OLFM1: variants seen among roughly 807,000 people sequenced by gnomAD.
The protein encoded by OLFM1 is olfactomedin 1.
Under a neutral mutation model 49.7 loss-of-function variants are expected in OLFM1, and 9 were observed. That is an observed-to-expected ratio of 0.18 (90% confidence interval 0.11 to 0.32). The LOEUF (loss-of-function observed/expected upper bound fraction) is 0.32. Ranked by LOEUF, OLFM1 falls within the 10% of genes least tolerant of loss-of-function variation. OLFM1 has a pLI of 1.00. For synonymous variants in OLFM1, 240 were observed against 271.8 expected (o/e 0.88, Z 1.15); for missense variants, 369 against 661.8 (o/e 0.56, Z 4.85).
At chr9:135,084,008 G>A (rs947858970), upstream of OLFM1, among the ~76,000 whole-genome samples, 2 of 152,230 alleles carry the variant, frequency 1.3e-5, no homozygotes, top group African/African-American at 4.8e-5. This position sits in a 1 kb window ranked among gnomAD's most constrained non-coding sequence, Gnocchi z 4.6. Context: ...CAGGGAAGGG[G>A]GTGAGGAGCA....
chr9:135,096,413 T>TG (rs1830799526), intron 3 of OLFM1, among the ~76,000 whole-genome samples: 1 of 152,048 alleles, frequency 6.6e-6, no homozygotes, highest in South Asian at 2.1e-4. Flanking sequence ...CCTACAGAAA[T>TG]GGTCATTTGG....
intron 5 of OLFM1, among the ~76,000 whole-genome samples, chr9:135,115,720 G>A (rs956912933): frequency 3.1e-4 from 47 of 152,234 alleles, no homozygotes; most frequent in African/African-American, 1.0e-3. Context: ...CCAGATTGGT[G>A]GTTTCAAGCT....
At chr9:135,093,789 C>T (rs1479853153) in intron 2 of OLFM1, among the ~76,000 whole-genome samples, 1 of 152,190 alleles carries the variant, frequency 6.6e-6, no homozygotes, top group African/African-American at 2.4e-5. Flanking sequence ...TGCGTGATTG[C>T]AGTCCTAGAC....
chr9:135,078,016 G>A (rs1042224375), intron 1 of OLFM1, among the ~76,000 whole-genome samples: 1 of 152,240 alleles, frequency 6.6e-6, no homozygotes, highest in Admixed American at 6.5e-5. Context: ...CCTCTAAGAT[G>A]GCATCTGGGG....
chr9:135,075,870 A>T, intron 1 of OLFM1: 2 of 1,496,094 alleles, frequency 1.3e-6, no homozygotes, highest in Admixed American at 4.1e-5. Flanking sequence ...AGCCCCACAA[A>T]GTCCGGGAAC....
intron 2 of OLFM1, among the ~76,000 whole-genome samples, chr9:135,093,917 A>G (rs749914156): frequency 6.6e-6 from 1 of 152,252 alleles, no homozygotes; most frequent in Non-Finnish European, 1.5e-5. Context: ...GCAGCTGAAT[A>G]GCTTGGTATC....
At position 135,079,721 on chromosome 9, in the gene OLFM1, T is replaced by A. The variant is rs143660966; in HGVS notation, c.96+3919T>A. 4.4e-4 allele frequency among the ~76,000 whole-genome samples: 67 copies of A among 152,168 alleles called. No individual in the cohort carries two copies. In the East Asian group the frequency reaches 0.013, roughly 29 times the overall value. On this transcript the variant is annotated intron_variant, in intron 1 of 5. Coordinates refer to the OLFM1 transcript ENST00000252854. ...CTCAATCCACGTGGGTTGAGGGTAT[T>A]TGAAGTGTTTGAAGATGGAAGCGGA...
chr9:135,087,692 G>A lies in OLFM1; in HGVS notation c.-298G>A, dbSNP rs766147871. 1,655 of 425,540 alleles carry A rather than the reference G, an allele frequency of 3.9e-3. 9 individuals are homozygous for A. The highest frequency in any genetic ancestry group is 4.9e-3 in the Non-Finnish European group (1,454 of 297,506). The allele number at this position is 425,540 out of a possible 1,614,324, so 26.4% of individuals were successfully genotyped here. On this transcript the variant is annotated 5_prime_UTR_variant, in exon 1 of 6. Transcript: ENST00000371793. ...CAGAGCCGGACGGCGCTTCCCGGTGGCGGCGGAGGAGCCCGGAGGGACGCA... is the reference window on the plus strand; with the variant it reads ...CAGAGCCGGACGGCGCTTCCCGGTGACGGCGGAGGAGCCCGGAGGGACGCA...
At chr9:135,112,196 C>T (rs1831032622) in intron 5 of OLFM1, among the ~76,000 whole-genome samples, 1 of 147,856 alleles carries the variant, frequency 6.8e-6, no homozygotes, top group Non-Finnish European at 1.5e-5. Flanking sequence ...GAGGGACATG[C>T]ACTGGCCGCT....
intron 1 of OLFM1, among the ~76,000 whole-genome samples, chr9:135,089,581 CTGGAAACCTAG>C (rs1830651715): frequency 6.6e-6 from 1 of 152,228 alleles, no homozygotes; most frequent in Admixed American, 6.5e-5. Flanking sequence ...CCACAAGGAG[CTGGAAACCTAG>C]TGTTTTCTCG....
chr9:135,120,603 G>A lies in OLFM1; in HGVS notation c.*425G>A, dbSNP rs142144432. 247 of 202,986 alleles carry A rather than the reference G, an allele frequency of 1.2e-3. No homozygotes were observed. The highest frequency in any genetic ancestry group is 5.3e-3 in the African/African-American group (225 of 42,532). 12.6% of individuals were successfully genotyped at this position (202,986 alleles called of 1,614,324 possible). A position where few individuals can be genotyped will look rare whatever the true frequency, so the allele number is the denominator to read the frequency against. ...TGAGAGCCATGGGCTGCACCCGGCC[G>A]TAGGCTAGTGTAACTCGCATCCCAT... On this transcript the variant is annotated 3_prime_UTR_variant, in exon 6 of 6. Coordinates refer to ENST00000371793, the MANE Select transcript of OLFM1 (RefSeq NM_001282611.2).
At chr9:135,077,094 G>A (rs1830477578) in intron 1 of OLFM1, 1 of 1,550,504 alleles carries the variant, frequency 6.4e-7, no homozygotes, top group East Asian at 2.4e-5. Flanking sequence ...CCCCAGGAAG[G>A]CCTGGTGGAG....
chr9:135,098,647 C>T lies in OLFM1; in HGVS notation c.676+142C>T, dbSNP rs1439429707. The T allele has an allele frequency of 1.4e-6, 1 of 700,228 alleles. No individual in the cohort carries two copies. The highest frequency in any genetic ancestry group is 1.8e-5 in the African/African-American group (1 of 56,164). 43.4% of individuals were successfully genotyped at this position (700,228 alleles called of 1,614,324 possible). Reference sequence around the variant, plus strand: ...GGATTAGGGCTCCTGGGCAGGTCTACCTTGAGAGACAGCAAAGGAGGAGCG... The same window carrying T: ...GGATTAGGGCTCCTGGGCAGGTCTATCTTGAGAGACAGCAAAGGAGGAGCG... On this transcript the variant is annotated intron_variant, in intron 4 of 5. Coordinates refer to ENST00000371793, the MANE Select transcript of OLFM1 (RefSeq NM_001282611.2). The surrounding 1 kb of genome is among the most constrained non-coding windows in gnomAD (Gnocchi z 5.6).
Position 135,087,909 on chromosome 9 carries a change from C to G in OLFM1, c.-81C>G. ...CACAGCCAGGCGCCCCTGCCCGCCG[C>G]GGTGCCCGCCGCCTGAAGGCCGCCT... On this transcript the variant is annotated 5_prime_UTR_variant, in exon 1 of 6. Coordinates refer to ENST00000371793, the MANE Select transcript of OLFM1 (RefSeq NM_001282611.2). 1 of 1,206,414 alleles carries G rather than the reference C, an allele frequency of 8.3e-7. No homozygotes were observed. Among genetic ancestry groups the G allele is most frequent in the Admixed American group, 4.6e-5 (1 of 21,736 alleles). The allele number at this position is 1,206,414 out of a possible 1,614,324, so 74.7% of individuals were successfully genotyped here.
intron 5 of OLFM1, among the ~76,000 whole-genome samples, chr9:135,118,773 G>A (rs186482815): frequency 3.9e-4 from 56 of 141,994 alleles, no homozygotes; most frequent in African/African-American, 1.2e-3. Context: ...AGTGCTCGCC[G>A]TGTCTTTGGA....
In OLFM1 at chr9:135,087,940, C is replaced by T. The variant is rs762638908; in HGVS notation, c.-50C>T. 853 of 1,353,782 alleles carry T rather than the reference C, an allele frequency of 6.3e-4. 2 individuals are homozygous for T. The highest frequency in any genetic ancestry group is 1.9e-3 in the Admixed American group (65 of 33,956). The allele number at this position is 1,353,782 out of a possible 1,614,324, so 83.9% of individuals were successfully genotyped here. ...CCGCCGCCTGAAGGCCGCCTGGGCG[C>T]GGGAGCCGGTGCCAGCTCGGAGCGG... On this transcript the variant is annotated 5_prime_UTR_variant, in exon 1 of 6. Coordinates refer to ENST00000371793, the MANE Select transcript of OLFM1 (RefSeq NM_001282611.2).
upstream of OLFM1, chr9:135,086,498 G>C (rs1472074764): frequency 5.1e-6 from 2 of 390,808 alleles, no homozygotes; most frequent in African/African-American, 4.2e-5. Context: ...CCCGGCGTCC[G>C]TCTTTCAAAT....
At chr9:135,095,354 C>T (rs1830774130) in intron 2 of OLFM1, 1 of 153,092 alleles carries the variant, frequency 6.5e-6, no homozygotes, top group Non-Finnish European at 1.5e-5. Context: ...AAGTAATCAA[C>T]CTTATCAGCA....
rs1158530147 is a variant in OLFM1 at position 135,117,601 on chromosome 9, C to G, written c.784-1903C>G. 6.6e-6 allele frequency among the ~76,000 whole-genome samples: 1 copy of G among 152,232 alleles called. No individual in the cohort carries two copies. The highest frequency in any genetic ancestry group is 1.5e-5 in the Non-Finnish European group (1 of 68,040). ...AGGTGGCTGTGCCCCTTCGAAGGCCCCCTTCAGCCCTGGGTTCTGTACTGA... is the reference window on the plus strand; with the variant it reads ...AGGTGGCTGTGCCCCTTCGAAGGCCGCCTTCAGCCCTGGGTTCTGTACTGA... On this transcript the variant is annotated intron_variant, in intron 5 of 5. Coordinates refer to ENST00000371793, the MANE Select transcript of OLFM1 (RefSeq NM_001282611.2). The surrounding 1 kb of genome is among the most constrained non-coding windows in gnomAD (Gnocchi z 5.5).
Sources: allele counts gnomAD v4.1 joint callset (sites outside exome capture counted in the v4.1 genomes callset), GRCh38; gene constraint gnomAD v4.1.1; non-coding constraint Gnocchi (gnomAD v3.1); transcripts MANE v1.5; gene names NCBI Gene and HGNC (gene_info 2026-07-23, HGNC 2026-07-21).